Variants in ARSF observed in about 807,000 individuals in gnomAD.
ARSF encodes arylsulfatase F.
ARSF carries 33 observed loss-of-function variants against 35.4 expected under a neutral mutation model. The ratio of observed to expected loss-of-function variants is 0.93; its 90% CI spans 0.71 to 1.25. The LOEUF (loss-of-function observed/expected upper bound fraction) is 1.25. ARSF is among the 50% of genes most tolerant of loss of function. The probability of loss-of-function intolerance (pLI) is 0.00; values close to 1 mark genes in which losing one functional copy is unlikely to be tolerated. For missense variants in ARSF, 501 were observed against 480.2 expected (o/e 1.04, Z -0.40); for synonymous variants, 222 against 193.1 (o/e 1.15, Z -1.24).
At chrX:3,087,825 A>AT (rs1437085760) in intron 6 of ARSF, among the ~76,000 whole-genome samples, 1 of 110,333 alleles carries the variant, frequency 9.1e-6, no homozygotes, top group African/African-American at 3.3e-5. Context: ...ACATTATTGG[A>AT]TTGGGGACTC....
intron 3 of ARSF, 98 bp from the exon 4 acceptor site, chrX:3,076,450 T>G: frequency 1.0e-6 from 1 of 989,887 alleles, no homozygotes; most frequent in Non-Finnish European, 1.4e-6. Context: ...TGTGCCTTTC[T>G]GTTTGTCCTT....
At chrX:3,092,303 C>A (rs1483146507) in intron 7 of ARSF, among the ~76,000 whole-genome samples, 1 of 111,648 alleles carries the variant, frequency 9.0e-6, no homozygotes, top group Admixed American at 9.6e-5. Flanking sequence ...TAATATTGCA[C>A]TCAATCTCAA....
chrX:3,046,002 C>A (rs1253830104), intron 1 of ARSF, among the ~76,000 whole-genome samples: 4 of 111,155 alleles, frequency 3.6e-5, no homozygotes, highest in Non-Finnish European at 7.5e-5. Context: ...CCTGCCTCAG[C>A]CTCCTGAGTA....
chrX:3,046,178 G>A (rs1336084562), intron 1 of ARSF, among the ~76,000 whole-genome samples: 2 of 111,736 alleles, frequency 1.8e-5, no homozygotes, highest in African/African-American at 3.3e-5. Flanking sequence ...GAGCCACTGC[G>A]CCTGGCCTCT....
At chrX:3,084,096 T>A (rs2090225832) in intron 5 of ARSF, 147 bp from the exon 6 acceptor site, 1 of 743,450 alleles carries the variant, frequency 1.3e-6, no homozygotes, top group Non-Finnish European at 1.9e-6. Context: ...GGCACTCGGA[T>A]TTTTTAGAGG....
At chrX:3,096,232 T>C (rs2147532697) in intron 7 of ARSF, among the ~76,000 whole-genome samples, 1 of 110,364 alleles carries the variant, frequency 9.1e-6, no homozygotes, top group South Asian at 3.7e-4. Flanking sequence ...ATTAAGACCT[T>C]TTCTTTTTGT....
At chrX:3,058,389 T>G (rs1440183156) in intron 1 of ARSF, 1 of 138,900 alleles carries the variant, frequency 7.2e-6, no homozygotes, top group African/African-American at 3.2e-5. Context: ...GTCACCAAGC[T>G]GGTGCTGAAC....
chrX:3,103,829 G>T lies in ARSF; in HGVS notation c.1170G>T (p.Lys390Asn). ...RVPGIVRWPG[K>N]VPAGRLIKEP... The stretch of plus-strand genomic sequence containing the variant: ...CAGGAATTGTCCGATGGCCTGGAAA[G>T]GTACCAGCTGGACGGTTGATTAAGG... The change falls in exon 9 of 11, where the codon AAG becomes AAT. Residue 390 changes from lysine (K) to asparagine (N), a missense_variant. Physicochemically the swap from Lys to Asn is moderately conservative, Grantham distance 94 (BLOSUM62 0). Transcript: ENST00000381127. 1 of 1,209,982 alleles carries T rather than the reference G, an allele frequency of 8.3e-7. No individual in the cohort carries two copies. Among genetic ancestry groups the T allele is most frequent in the Non-Finnish European group, 1.1e-6 (1 of 895,161 alleles).
chrX:3,065,771 C>T (rs371046763), intron 1 of ARSF, among the ~76,000 whole-genome samples: 3 of 110,827 alleles, frequency 2.7e-5, no homozygotes, highest in Admixed American at 9.7e-5. Context: ...GGTACATTTA[C>T]CTGAAGAAAT....
At chrX:3,051,194 C>A (rs771174229) in intron 1 of ARSF, among the ~76,000 whole-genome samples, 2 of 111,558 alleles carry the variant, frequency 1.8e-5, no homozygotes, top group East Asian at 5.7e-4. Flanking sequence ...CAAGCCCCCA[C>A]TTTGAAGTGT....
At chrX:3,077,139 C>T (rs374653659) in intron 4 of ARSF, among the ~76,000 whole-genome samples, 7 of 112,119 alleles carry the variant, frequency 6.2e-5, no homozygotes, top group South Asian at 3.7e-4. Context: ...AAAATGGCTG[C>T]GCTTCTCAGA....
At position 3,098,748 on chromosome X, in the gene ARSF, A is replaced by C. The variant is rs776138188; in HGVS notation, c.968-2339A>C. 2.1e-4 allele frequency among the ~76,000 whole-genome samples: 23 copies of C among 111,602 alleles called. No individual in the cohort carries two copies. The South Asian group carries it at 3.4e-3, about 17-fold the overall frequency. On this transcript the variant is annotated intron_variant, in intron 7 of 10. Coordinates refer to ENST00000381127, the MANE Select transcript of ARSF (RefSeq NM_001201539.2). ...TAGCATCGTGAAAACAGACTAATAC[A>C]GTATGTAACAATTTTTTTTAAATAG...
At chrX:3,050,407 G>A (rs143750374) in intron 1 of ARSF, among the ~76,000 whole-genome samples, 2,182 of 109,296 alleles carry the variant, frequency 0.02, 27 homozygotes, top group Middle Eastern at 0.056. Context: ...TTTGCTGGGC[G>A]TCGTGGCACG....
At chrX:3,106,511 T>G (rs994932186) in intron 9 of ARSF, among the ~76,000 whole-genome samples, 2 of 111,723 alleles carry the variant, frequency 1.8e-5, no homozygotes, top group African/African-American at 6.5e-5. Flanking sequence ...TGTGGATACC[T>G]CTCTCCTGTC....
intron 9 of ARSF, among the ~76,000 whole-genome samples, chrX:3,108,037 A>G (rs2090421888): frequency 9.0e-6 from 1 of 111,726 alleles, no homozygotes; most frequent in Non-Finnish European, 1.9e-5. Context: ...TTGCATTTGG[A>G]TATCCAATTT....
intron 1 of ARSF, chrX:3,058,604 G>A (rs765320715): frequency 2.1e-5 from 7 of 325,968 alleles, no homozygotes; most frequent in South Asian, 1.9e-4. Context: ...TATAATCACA[G>A]TGCTTCATGA....
intron 1 of ARSF, among the ~76,000 whole-genome samples, chrX:3,060,171 G>A (rs1273825399): frequency 1.8e-5 from 2 of 111,980 alleles, no homozygotes; most frequent in African/African-American, 6.5e-5. Context: ...AGGCAAACAG[G>A]GTCTGGAGTG....
At chrX:3,094,429 G>C (rs1459085091) in intron 7 of ARSF, among the ~76,000 whole-genome samples, 1 of 111,897 alleles carries the variant, frequency 8.9e-6, no homozygotes, top group Non-Finnish European at 1.9e-5. Context: ...CCCCAACCTG[G>C]CTTCCTGCTT....
Position 3,103,773 on chromosome X carries a change from A to G in ARSF, c.1114A>G (p.Met372Val). The change falls in exon 9 of 11, where the codon ATG (methionine) becomes GTG (valine). Residue 372 changes from methionine (M) to valine (V), a missense_variant. Physicochemically the swap from Met to Val is conservative, Grantham distance 21. Transcript: ENST00000381127. Reference protein sequence around the residue: ...WNGIYKGGKGMGGWEGGIRVP... With the variant: ...WNGIYKGGKGVGGWEGGIRVP... ...GCATTGTCTTATAGGTGGAAAAGGC[A>G]TGGGGGGCTGGGAAGGTGGAATCCG... The G allele has an allele frequency of 8.3e-7, 1 of 1,211,420 alleles. No individual in the cohort carries two copies. The highest frequency in any genetic ancestry group is 1.8e-5 in the South Asian group (1 of 56,923).
Sources: gnomAD v4.1 joint callset for allele counts (sites outside exome capture counted in the v4.1 genomes callset) on GRCh38, gnomAD v4.1.1 for gene constraint, MANE v1.5 for transcripts, NCBI Gene and HGNC (gene_info 2026-07-23, HGNC 2026-07-21) for gene names.